The following OR1B1 variants were observed in gnomAD, a reference collection of about 807,000 sequenced individuals.
The protein encoded by OR1B1 is olfactory receptor 1B1.
For synonymous variants in OR1B1, 168 were observed against 156.2 expected, an observed-to-expected ratio of 1.08 and a Z score of -0.57; for missense variants, 414 against 402.1, an observed-to-expected ratio of 1.03 and a Z score of -0.25.
At chr9:122,632,296 CAA>C (rs377647204), upstream of OR1B1, among the ~76,000 whole-genome samples, 273 of 143,596 alleles carry the variant, frequency 1.9e-3, 1 homozygote, top group African/African-American at 6.6e-3. Flanking sequence ...AAGAAGTTAT[CAA>C]AAAAAAAACA....
chr9:122,628,934 T>C (rs779091134), exon 1 of OR1B1: 1 of 1,613,986 alleles, frequency 6.2e-7, no homozygotes, highest in Admixed American at 1.7e-5. Flanking sequence ...GGCCAGCTCA[T>C]TAGAATGTAT....
the OR1B1 span, among the ~76,000 whole-genome samples, chr9:122,645,798 G>T: frequency 3.3e-5 from 5 of 152,176 alleles, no homozygotes; most frequent in Non-Finnish European, 7.4e-5. Flanking sequence ...GCTAAAGGGA[G>T]TTCTTCAATC....
At chr9:122,650,752 G>A in the OR1B1 span, among the ~76,000 whole-genome samples, 8 of 152,000 alleles carry the variant, frequency 5.3e-5, no homozygotes, top group African/African-American at 9.7e-5. Context: ...AGCCGGGCGC[G>A]GTGGCTCACG....
At chr9:122,653,894 A>G in the OR1B1 span, among the ~76,000 whole-genome samples, 1 of 152,168 alleles carries the variant, frequency 6.6e-6, no homozygotes. Flanking sequence ...GCATTTTTTG[A>G]GTGTTTATAA....
chr9:122,629,158 C>A, exon 1 of OR1B1: 1 of 1,613,976 alleles, frequency 6.2e-7, no homozygotes, highest in South Asian at 1.1e-5. Flanking sequence ...CACAGATGGC[C>A]ACATAGCGAT....
chr9:122,640,874 CCTA>C, the OR1B1 span, among the ~76,000 whole-genome samples: 1 of 152,092 alleles, frequency 6.6e-6, no homozygotes, highest in African/African-American at 2.4e-5. Context: ...ATTCATACGT[CCTA>C]CTAATATTTA....
the OR1B1 span, among the ~76,000 whole-genome samples, chr9:122,641,656 A>G: frequency 6.6e-6 from 1 of 152,222 alleles, no homozygotes; most frequent in East Asian, 1.9e-4. Context: ...TCACTTAAAT[A>G]GGAAGAATAA....
chr9:122,631,811 C>T (rs557118881), upstream of OR1B1, among the ~76,000 whole-genome samples: 35 of 152,078 alleles, frequency 2.3e-4, no homozygotes, highest in African/African-American at 7.2e-4. Context: ...ACACACACAC[C>T]TACACCCACA....
upstream of OR1B1, among the ~76,000 whole-genome samples, chr9:122,632,868 C>T (rs190775468): frequency 7.9e-5 from 12 of 152,212 alleles, no homozygotes; most frequent in Admixed American, 2.6e-4. Flanking sequence ...TAAAGGCATA[C>T]CCAAGACTGG....
chr9:122,656,609 T>A, the OR1B1 span, among the ~76,000 whole-genome samples: 2 of 152,226 alleles, frequency 1.3e-5, no homozygotes, highest in Non-Finnish European at 2.9e-5. Flanking sequence ...GCCCTCAGAC[T>A]TCCTAGCCTC....
At chr9:122,628,652 A>C in exon 1 of OR1B1, 1 of 1,614,096 alleles carries the variant, frequency 6.2e-7, no homozygotes, top group Non-Finnish European at 8.5e-7. Flanking sequence ...GAGGCTATAC[A>C]CAAATGGGTT....
At chr9:122,628,735 C>G (rs200177020) in exon 1 of OR1B1, 1 of 1,614,084 alleles carries the variant, frequency 6.2e-7, no homozygotes, top group African/African-American at 1.3e-5. Context: ...GGAAGGGAGG[C>G]TGGAAGTAGA....
the OR1B1 span, among the ~76,000 whole-genome samples, chr9:122,647,150 T>C: frequency 6.6e-6 from 1 of 152,188 alleles, no homozygotes; most frequent in Admixed American, 6.5e-5. Flanking sequence ...CACATTCTTC[T>C]CTTCAGCACA....
the OR1B1 span, among the ~76,000 whole-genome samples, chr9:122,653,670 T>C: frequency 5.3e-5 from 8 of 152,136 alleles, no homozygotes; most frequent in East Asian, 3.9e-4. Context: ...CTGGCTGAAA[T>C]TGAGGTTATA....
chr9:122,650,070 A>G, the OR1B1 span, among the ~76,000 whole-genome samples: 3 of 75,840 alleles, frequency 4.0e-5, no homozygotes, highest in African/African-American at 2.5e-4. Flanking sequence ...TGCAGTCATA[A>G]AAAAAAGGAT....
At chr9:122,656,984 A>G in the OR1B1 span, among the ~76,000 whole-genome samples, 2 of 152,168 alleles carry the variant, frequency 1.3e-5, no homozygotes, top group Non-Finnish European at 2.9e-5. Flanking sequence ...AAAGTTATCA[A>G]TATAATGCAT....
the OR1B1 span, among the ~76,000 whole-genome samples, chr9:122,654,823 C>T: frequency 2.0e-5 from 3 of 152,170 alleles, no homozygotes; most frequent in African/African-American, 7.2e-5. Context: ...CTAGATTTAT[C>T]CATGTTGTCA....
At chr9:122,646,349 T>C in the OR1B1 span, among the ~76,000 whole-genome samples, 1 of 151,820 alleles carries the variant, frequency 6.6e-6, no homozygotes, top group African/African-American at 2.4e-5. Flanking sequence ...CACATATCAA[T>C]AATAACACTG....
the OR1B1 span, among the ~76,000 whole-genome samples, chr9:122,645,220 G>A: frequency 2.0e-5 from 3 of 151,876 alleles, no homozygotes; most frequent in Admixed American, 1.3e-4. Context: ...TTGAAGATAT[G>A]CTATTTGAAA....
Sources: allele counts gnomAD v4.1 joint callset (sites outside exome capture counted in the v4.1 genomes callset), GRCh38; gene constraint gnomAD v4.1.1; transcripts MANE v1.5; gene names NCBI Gene and HGNC (gene_info 2026-07-23, HGNC 2026-07-21).